The following SAMMSON variants were observed in gnomAD, a reference collection of about 807,000 sequenced individuals.
SAMMSON encodes long intergenic non-protein coding RNA 1212.
chr3:70,266,401 T>C (rs1701917369), intron 6 of SAMMSON, among the ~76,000 whole-genome samples: 1 of 151,852 alleles, frequency 6.6e-6, no homozygotes, highest in African/African-American at 2.4e-5. Context: ...ATCATAGAGA[T>C]ATATATTTTT....
At chr3:70,268,300 C>T (rs988336975) in intron 6 of SAMMSON, among the ~76,000 whole-genome samples, 3 of 151,988 alleles carry the variant, frequency 2.0e-5, no homozygotes, top group Non-Finnish European at 4.4e-5. Flanking sequence ...GAGAAACACC[C>T]ACCGTCTGTA....
rs183455280 is a variant in SAMMSON at position 70,011,792 on chromosome 3, C to T, written n.23-565C>T. ...CACAGGCTCTAAAACAAATAAATCA[C>T]TTGCTATTATGAAGTATGGAAAGCA... On this transcript the variant is annotated intron_variant and non_coding_transcript_variant, in intron 1 of 9. Coordinates refer to ENST00000642114, the Ensembl canonical transcript of SAMMSON. Among the ~76,000 whole-genome samples, 217 of 152,086 alleles carry T rather than the reference C, an allele frequency of 1.4e-3. 1 individual carries two copies. The highest frequency in any genetic ancestry group is 5.0e-3 in the African/African-American group (208 of 41,458).
chr3:70,088,952 C>G (rs2067296191), intron 4 of SAMMSON, among the ~76,000 whole-genome samples: 1 of 152,098 alleles, frequency 6.6e-6, no homozygotes, highest in African/African-American at 2.4e-5. Flanking sequence ...TGTATTTTCA[C>G]TCAGAAAATT....
At chr3:70,220,709 T>C (rs1478227485) in intron 4 of SAMMSON, among the ~76,000 whole-genome samples, 1 of 152,178 alleles carries the variant, frequency 6.6e-6, no homozygotes, top group Non-Finnish European at 1.5e-5. Context: ...AAATATTTGC[T>C]GACTGCTACT....
intron 9 of SAMMSON, among the ~76,000 whole-genome samples, chr3:70,382,576 A>G (rs568249712): frequency 3.3e-4 from 50 of 151,792 alleles, no homozygotes; most frequent in Non-Finnish European, 6.5e-4. Flanking sequence ...TTAATGGATC[A>G]TGGCTCTCCC....
intron 6 of SAMMSON, among the ~76,000 whole-genome samples, chr3:70,261,369 A>G (rs959587237): frequency 6.6e-6 from 1 of 152,184 alleles, no homozygotes; most frequent in Non-Finnish European, 1.5e-5. Flanking sequence ...GTTGATGTGA[A>G]CATGCATATG....
At chr3:70,319,526 G>A (rs1246209203) in intron 7 of SAMMSON, among the ~76,000 whole-genome samples, 1 of 152,066 alleles carries the variant, frequency 6.6e-6, no homozygotes, top group Admixed American at 6.6e-5. Flanking sequence ...AGTAGAGATA[G>A]TCTTCTCTCT....
chr3:70,238,946 T>C (rs929009651), intron 4 of SAMMSON, among the ~76,000 whole-genome samples: 1 of 152,238 alleles, frequency 6.6e-6, no homozygotes, highest in Non-Finnish European at 1.5e-5. Flanking sequence ...ATTCTCTAAA[T>C]CTAATTGTTT....
chr3:70,001,648 T>C (rs530692199), intron 1 of SAMMSON, among the ~76,000 whole-genome samples: 37 of 152,270 alleles, frequency 2.4e-4, no homozygotes, highest in African/African-American at 8.4e-4. Context: ...TGATTTTATT[T>C]TGGGGGGGAA....
chr3:70,092,278 A>T (rs980380438), intron 4 of SAMMSON, among the ~76,000 whole-genome samples: 4 of 152,026 alleles, frequency 2.6e-5, no homozygotes, highest in Non-Finnish European at 5.9e-5. Context: ...GTGGGCACAT[A>T]GTAGATATAT....
intron 2 of SAMMSON, among the ~76,000 whole-genome samples, chr3:70,432,744 G>A (rs192179701): frequency 1.2e-4 from 18 of 152,058 alleles, no homozygotes; most frequent in Non-Finnish European, 2.1e-4. Flanking sequence ...ACAATGACAT[G>A]TGCCCACCAT....
intron 2 of SAMMSON, among the ~76,000 whole-genome samples, chr3:70,420,894 A>G (rs1701305986): frequency 2.6e-5 from 4 of 152,168 alleles, no homozygotes; most frequent in Admixed American, 2.0e-4. Context: ...TCTACAGATA[A>G]CCTAAAAGCA....
At chr3:70,235,509 A>G (rs1406350409) in intron 4 of SAMMSON, among the ~76,000 whole-genome samples, 1 of 152,222 alleles carries the variant, frequency 6.6e-6, no homozygotes, top group East Asian at 1.9e-4. Context: ...ACATGAATAC[A>G]TGGCTCTAAT....
intron 4 of SAMMSON, among the ~76,000 whole-genome samples, chr3:70,099,081 C>G (rs139389729): frequency 8.1e-4 from 124 of 152,278 alleles, no homozygotes; most frequent in African/African-American, 2.7e-3. Context: ...TAATGTTTCA[C>G]TGTATGAATA....
chr3:70,358,976 TGA>T (rs1041062231), intron 9 of SAMMSON, among the ~76,000 whole-genome samples: 1 of 152,240 alleles, frequency 6.6e-6, no homozygotes, highest in Admixed American at 6.6e-5. Flanking sequence ...CTTATTCAGC[TGA>T]GAGAGAGGTT....
intron 4 of SAMMSON, among the ~76,000 whole-genome samples, chr3:70,225,221 G>T (rs1701492241): frequency 6.6e-6 from 1 of 152,134 alleles, no homozygotes; most frequent in Non-Finnish European, 1.5e-5. Context: ...TAAGAGAAAT[G>T]TATAATACTG....
rs561796968 is a variant in SAMMSON, at chr3:70,373,129, TTC to T, written n.913+14807_913+14808del. Among the ~76,000 whole-genome samples, 220 of 152,288 alleles carry T rather than the reference TTC, an allele frequency of 1.4e-3. 2 individuals are homozygous for T. The highest frequency in any genetic ancestry group is 5.0e-3 in the African/African-American group (210 of 41,594). On this transcript the variant is annotated intron_variant and non_coding_transcript_variant, in intron 9 of 9. Coordinates refer to ENST00000642114, the Ensembl canonical transcript of SAMMSON. ...AATATTTCTTCTCTTATCATTTTCT[TTC>T]TGTTTATAAACCTCCCATTAGTCAT...
intron 7 of SAMMSON, among the ~76,000 whole-genome samples, chr3:70,294,797 G>T (rs575032022): frequency 1.6e-4 from 25 of 152,192 alleles, no homozygotes; most frequent in African/African-American, 6.0e-4. Context: ...TTTTTGCTCA[G>T]TCTGGCTTCT....
intron 4 of SAMMSON, among the ~76,000 whole-genome samples, chr3:70,198,551 C>T (rs1212898980): frequency 6.6e-6 from 1 of 152,122 alleles, no homozygotes; most frequent in African/African-American, 2.4e-5. Flanking sequence ...AAGGTGAGTC[C>T]TGAATATAAG....
Sources: allele counts gnomAD v4.1 joint callset (sites outside exome capture counted in the v4.1 genomes callset), GRCh38; gene constraint gnomAD v4.1.1; transcripts MANE v1.5; gene names NCBI Gene and HGNC (gene_info 2026-07-23, HGNC 2026-07-21).